PCDHGA4: variants seen among roughly 807,000 people sequenced by gnomAD.
The protein encoded by PCDHGA4 is protocadherin gamma-A4.
In PCDHGA4, 38 loss-of-function variants were observed where a neutral mutation model predicts 54.6. The observed-to-expected ratio is 0.70, with a 90% CI of 0.54 to 0.91. The LOEUF (loss-of-function observed/expected upper bound fraction) is 0.91, where lower values mean the gene tolerates loss of function less well. PCDHGA4 is among the 40% of genes least tolerant of loss of function. The pLI, the probability that PCDHGA4 is intolerant of heterozygous loss-of-function variation, is 0.00. For missense variants in PCDHGA4, 1,298 were observed against 1,220.9 expected (o/e 1.06, Z -0.94); for synonymous variants, 511 against 512.9 (o/e 1.00, Z 0.05).
rs370361048 is a variant in PCDHGA4, at chr5:141,361,546, A to G, written c.2514+3925A>G. 2.4e-5 allele frequency: 38 copies of G among 1,613,904 alleles called. No individual in the cohort carries two copies. Among genetic ancestry groups the G allele is most frequent in the South Asian group, 2.3e-4 (21 of 91,088 alleles). On this transcript the variant is annotated intron_variant, in intron 1 of 3. Transcript: ENST00000571252. ...AGAGAACAATCCTCCTGGCGCCTCT[A>G]TCGCTCAAATCAGTGCCTCTGACCC...
In PCDHGA4 at chr5:141,491,144, TGGA is replaced by T. The variant is rs757881044; in HGVS notation, c.2515-3659_2515-3657del. ...GAGGTGCGCACAGCCCGGGCCTTAC[TGGA>T]GGATGACTCTGACACCCAGCAGGTG... On this transcript the variant is annotated intron_variant, in intron 1 of 3. Coordinates refer to ENST00000571252, the MANE Select transcript of PCDHGA4 (RefSeq NM_018917.4). This position sits in a 1 kb window ranked among gnomAD's most constrained non-coding sequence, Gnocchi z 6.9. The T allele has an allele frequency of 1.2e-6, 2 of 1,614,158 alleles. No individual in the cohort carries two copies. The highest frequency in any genetic ancestry group is 2.2e-5 in the South Asian group (2 of 91,086).
intron 2 of PCDHGA4, among the ~76,000 whole-genome samples, chr5:141,504,799 C>A (rs1474096570): frequency 6.6e-6 from 1 of 151,994 alleles, no homozygotes; most frequent in African/African-American, 2.4e-5. Context: ...CCTACATCTC[C>A]CCCTAGGTAC....
Position 141,418,242 on chromosome 5 carries a change from A to T in PCDHGA4, c.2514+60621A>T, listed in dbSNP as rs779996033. ...ATTGTGGTGATTGAGGATGTTAATG[A>T]CCACGCCCCTCAATTCCGGAAAGAT... On this transcript the variant is annotated intron_variant, in intron 1 of 3. Transcript: ENST00000571252. The T allele has an allele frequency of 3.7e-6, 6 of 1,613,896 alleles. No individual in the cohort carries two copies. The East Asian group carries it at 1.3e-4, about 36-fold the overall frequency.
chr5:141,450,846 A>C (rs2098698903), intron 1 of PCDHGA4, among the ~76,000 whole-genome samples: 1 of 115,730 alleles, frequency 8.6e-6, no homozygotes. Context: ...TTTTTTTGAG[A>C]TGGGGTCTTG....
At chr5:141,398,608 G>C in intron 1 of PCDHGA4, 4 of 1,614,062 alleles carry the variant, frequency 2.5e-6, no homozygotes, top group Non-Finnish European at 3.4e-6. Context: ...AGAAGATGCA[G>C]ATATTGGCTT....
In PCDHGA4 at chr5:141,485,109, C is replaced by A; in HGVS notation, c.2515-9698C>A. ...AGATAGGTGTCTCCAGCTGCTGTGG[C>A]TGTTTGGGGCGGGTCGGCTTCATCC... On this transcript the variant is annotated intron_variant, in intron 1 of 3. Transcript: ENST00000571252. This position sits in a 1 kb window ranked among gnomAD's most constrained non-coding sequence, Gnocchi z 5.7. The A allele has an allele frequency of 1.6e-6, 2 of 1,230,962 alleles. No individual in the cohort carries two copies. The highest frequency in any genetic ancestry group is 2.4e-6 in the Non-Finnish European group (2 of 850,024). The allele number at this position is 1,230,962 out of a possible 1,614,324, so 76.3% of individuals were successfully genotyped here.
At position 141,426,001 on chromosome 5, in the gene PCDHGA4, T is replaced by C. The variant is rs553657872; in HGVS notation, c.2514+68380T>C. Among the ~76,000 whole-genome samples, 3 of 152,318 alleles carry C rather than the reference T, an allele frequency of 2.0e-5. No individual in the cohort carries two copies. In the South Asian group the frequency reaches 6.2e-4, roughly 32 times the overall value. The stretch of plus-strand genomic sequence containing the variant: ...TGAATCCCATTGAATTAGCAAAGGC[T>C]TCCGGCTGCAGTTTTCTAAATAGAC... On this transcript the variant is annotated intron_variant, in intron 1 of 3. Transcript: ENST00000571252.
rs1025985501 is a variant in PCDHGA4 at position 141,432,385 on chromosome 5, C to G, written c.2515-62422C>G. 2.5e-6 allele frequency: 4 copies of G among 1,614,138 alleles called. No homozygotes were observed. In the African/African-American group the frequency reaches 5.3e-5, roughly 22 times the overall value. Reference sequence around the variant, plus strand: ...CGCGGGACAACGGGCACCCGCCCCTCAGCAGCAACGTGTCGTTGAGCCTGT... The same window carrying G: ...CGCGGGACAACGGGCACCCGCCCCTGAGCAGCAACGTGTCGTTGAGCCTGT... On this transcript the variant is annotated intron_variant, in intron 1 of 3. Transcript: ENST00000571252. The surrounding 1 kb of genome is among the most constrained non-coding windows in gnomAD (Gnocchi z 6.0).
At chr5:141,381,269 G>A (rs1777099951) in intron 1 of PCDHGA4, among the ~76,000 whole-genome samples, 1 of 152,224 alleles carries the variant, frequency 6.6e-6, no homozygotes, top group Admixed American at 6.5e-5. Flanking sequence ...AACCAAGACT[G>A]TTTCTTGCCA....
rs369794418 is a variant in PCDHGA4, at chr5:141,497,143, G to A, written c.2573+2278G>A. Among the ~76,000 whole-genome samples the A allele has an allele frequency of 7.3e-5, 11 of 150,108 alleles. No individual in the cohort carries two copies. In the East Asian group the frequency reaches 1.6e-3, roughly 21 times the overall value. On this transcript the variant is annotated intron_variant, in intron 2 of 3. Coordinates refer to ENST00000571252, the MANE Select transcript of PCDHGA4 (RefSeq NM_018917.4). ...AGAGGTTGCAGTGAGCTGAGATCAC[G>A]AAAAAAAAATAATCTAGCCACAAAT...
Position 141,432,826 on chromosome 5 carries a change from CACTCTGTACCT to C in PCDHGA4, c.2515-61980_2515-61970del, listed in dbSNP as rs1251102522. 6.2e-7 allele frequency: 1 copy of C among 1,614,096 alleles called. No homozygotes were observed. Among genetic ancestry groups the C allele is most frequent in the Non-Finnish European group, 8.5e-7 (1 of 1,180,020 alleles). On this transcript the variant is annotated intron_variant, in intron 1 of 3. Coordinates refer to ENST00000571252, the MANE Select transcript of PCDHGA4 (RefSeq NM_018917.4). This position sits in a 1 kb window ranked among gnomAD's most constrained non-coding sequence, Gnocchi z 6.0. Reference sequence around the variant, plus strand: ...CAGCTAACTCTGAAACCTCAGACCTCACTCTGTACCTGGTGGTAGCGGTGGCCGCGGTCTCC... The same window carrying C: ...CAGCTAACTCTGAAACCTCAGACCTCGGTGGTAGCGGTGGCCGCGGTCTCC...
chr5:141,441,838 C>T, intron 1 of PCDHGA4: 4 of 355,582 alleles, frequency 1.1e-5, no homozygotes, highest in South Asian at 9.6e-5. Flanking sequence ...TGGCTTCGCG[C>T]TCTTGGATAT....
At chr5:141,436,764 A>G (rs1248797699) in intron 1 of PCDHGA4, among the ~76,000 whole-genome samples, 1 of 152,214 alleles carries the variant, frequency 6.6e-6, no homozygotes, top group East Asian at 1.9e-4. Flanking sequence ...GGTATAATGG[A>G]ATGATTTGTG....
At chr5:141,361,935 C>A (rs1430503003) in intron 1 of PCDHGA4, 3 of 1,605,956 alleles carry the variant, frequency 1.9e-6, no homozygotes, top group Admixed American at 1.7e-5. Flanking sequence ...ACTCAGGACA[C>A]AACGCTTGGC....
intron 1 of PCDHGA4, chr5:141,409,838 G>T: frequency 6.2e-7 from 1 of 1,611,532 alleles, no homozygotes; most frequent in Non-Finnish European, 8.5e-7. Context: ...CAGCGCCAAC[G>T]TGAGCCTGCG....
intron 1 of PCDHGA4, chr5:141,393,241 A>C (rs377394191): frequency 1.8e-4 from 292 of 1,613,684 alleles, no homozygotes; most frequent in Non-Finnish European, 2.3e-4. Context: ...GTAAAAATTA[A>C]CGAAATCGCG....
intron 1 of PCDHGA4, chr5:141,370,205 T>C (rs1766739640): frequency 3.7e-6 from 2 of 547,650 alleles, no homozygotes; most frequent in South Asian, 6.6e-5. Flanking sequence ...GTGCAAAATA[T>C]TGGCTCCTCC....
chr5:141,365,027 C>T (rs1277837734), intron 1 of PCDHGA4: 1 of 1,613,896 alleles, frequency 6.2e-7, no homozygotes, highest in South Asian at 1.1e-5. Flanking sequence ...TGTTACGGTC[C>T]TCGACGCAAA....
Position 141,431,278 on chromosome 5 carries a change from C to A in PCDHGA4, c.2515-63529C>A, listed in dbSNP as rs755533628. On this transcript the variant is annotated intron_variant, in intron 1 of 3. Transcript: ENST00000571252. The surrounding 1 kb of genome is among the most constrained non-coding windows in gnomAD (Gnocchi z 4.8). ...ACTCTCTGCAGAGCTACGAGCTCAG[C>A]CCGAACACTCACTTCTCCCTCATCG... 6.2e-7 allele frequency: 1 copy of A among 1,614,170 alleles called. No individual in the cohort carries two copies. The highest frequency in any genetic ancestry group is 8.5e-7 in the Non-Finnish European group (1 of 1,180,038).
Sources: gnomAD v4.1 joint callset for allele counts (sites outside exome capture counted in the v4.1 genomes callset) on GRCh38, gnomAD v4.1.1 for gene constraint, Gnocchi (gnomAD v3.1) non-coding constraint, MANE v1.5 for transcripts, NCBI Gene and HGNC (gene_info 2026-07-23, HGNC 2026-07-21) for gene names.